TMPRSS15: variants seen among roughly 807,000 people sequenced by gnomAD.
TMPRSS15 encodes the protein enteropeptidase.
TMPRSS15 carries 128 observed loss-of-function variants against 125.3 expected under a neutral mutation model. The ratio of observed to expected loss-of-function variants is 1.02; its 90% CI spans 0.89 to 1.18. TMPRSS15 has a LOEUF of 1.18. Among genes scored for constraint, TMPRSS15 ranks in the 50% most tolerant of loss-of-function variants. The pLI, the probability that TMPRSS15 is intolerant of heterozygous loss-of-function variation, is 0.00. For missense variants in TMPRSS15, 1,283 were observed against 1,212.7 expected (o/e 1.06, Z -0.86); for synonymous variants, 446 against 423.2 (o/e 1.05, Z -0.66).
intron 3 of TMPRSS15, among the ~76,000 whole-genome samples, chr21:18,397,027 G>T (rs2076047783): frequency 6.6e-6 from 1 of 151,754 alleles, no homozygotes; most frequent in Non-Finnish European, 1.5e-5. Context: ...AGCTACCCCA[G>T]GTCTTGATCA....
Position 18,452,269 on chromosome 21 carries a change from A to G in TMPRSS15, c.10+33530T>C, listed in dbSNP as rs554583036. The stretch of plus-strand genomic sequence containing the variant: ...AGCATGGTTTGTTAAAATTAGCACC[A>G]CAAAGGTTTAAGGAATAAAAACAAC... On this transcript the variant is annotated intron_variant, in intron 1 of 7. Coordinates refer to the TMPRSS15 transcript ENST00000422787. Among the ~76,000 whole-genome samples, 246 of 152,314 alleles carry G rather than the reference A, an allele frequency of 1.6e-3. 2 individuals carry two copies. The highest frequency in any genetic ancestry group is 5.7e-3 in the African/African-American group (239 of 41,580).
chr21:18,350,422 A>G (rs1447330550), intron 10 of TMPRSS15, among the ~76,000 whole-genome samples: 1 of 152,030 alleles, frequency 6.6e-6, no homozygotes, highest in Non-Finnish European at 1.5e-5. Context: ...ACCTTTTCTC[A>G]CCACATCTGC....
chr21:18,396,987 T>C (rs2076047444), intron 3 of TMPRSS15, among the ~76,000 whole-genome samples: 1 of 152,118 alleles, frequency 6.6e-6, no homozygotes, highest in Non-Finnish European at 1.5e-5. Context: ...ATGTGAATTA[T>C]TGTGAAGGCT....
intron 3 of TMPRSS15, among the ~76,000 whole-genome samples, chr21:18,386,576 C>G (rs1371097629): frequency 6.6e-6 from 1 of 152,164 alleles, no homozygotes; most frequent in Non-Finnish European, 1.5e-5. Context: ...TCCTCCTCCT[C>G]TTCTTCCTTC....
chr21:18,384,260 G>A (rs2075921616), intron 3 of TMPRSS15, among the ~76,000 whole-genome samples: 1 of 152,072 alleles, frequency 6.6e-6, no homozygotes, highest in East Asian at 1.9e-4. Flanking sequence ...CAAGCTTATG[G>A]CAACTAATCT....
chr21:18,444,733 G>T (rs1601465096), intron 1 of TMPRSS15, among the ~76,000 whole-genome samples: 1 of 152,000 alleles, frequency 6.6e-6, no homozygotes, highest in South Asian at 2.1e-4. Context: ...TAGTTATTTT[G>T]AAATACTATA....
chr21:18,467,950 A>G (rs1978700164), intron 1 of TMPRSS15, among the ~76,000 whole-genome samples: 1 of 152,100 alleles, frequency 6.6e-6, no homozygotes, highest in Non-Finnish European at 1.5e-5. Flanking sequence ...AACAGAAGAG[A>G]AAAAGAAAGA....
chr21:18,372,331 A>T lies in TMPRSS15; in HGVS notation c.533-7T>A. 6.2e-7 allele frequency: 1 copy of T among 1,611,614 alleles called. No homozygotes were observed. Among genetic ancestry groups the T allele is most frequent in the Non-Finnish European group, 8.5e-7 (1 of 1,178,242 alleles). On this transcript the variant is annotated splice_polypyrimidine_tract_variant and splice_region_variant and intron_variant, in intron 5 of 24. Transcript: ENST00000284885. ...CACTCTATTGAGACATTTCCTTTAAAAAATAACTGAAATTAATTTCCAATT... is the reference window on the plus strand; with the variant it reads ...CACTCTATTGAGACATTTCCTTTAATAAATAACTGAAATTAATTTCCAATT...
chr21:18,422,576 C>T (rs1023158864), intron 1 of TMPRSS15, among the ~76,000 whole-genome samples: 1 of 152,122 alleles, frequency 6.6e-6, no homozygotes, highest in Non-Finnish European at 1.5e-5. Flanking sequence ...GTTATTCTCA[C>T]GATAACCCTA....
chr21:18,441,751 C>T (rs1601464186), intron 1 of TMPRSS15, among the ~76,000 whole-genome samples: 1 of 150,508 alleles, frequency 6.6e-6, no homozygotes, highest in Admixed American at 6.6e-5. Context: ...AGTGCAGTGG[C>T]AGGATCTCGG....
intron 13 of TMPRSS15, among the ~76,000 whole-genome samples, chr21:18,338,292 C>A (rs1053002971): frequency 1.3e-5 from 2 of 151,926 alleles, no homozygotes; most frequent in African/African-American, 4.8e-5. Context: ...GAAAATTTTT[C>A]TTCTTTATTA....
At chr21:18,393,160 T>A (rs1357077894) in intron 3 of TMPRSS15, among the ~76,000 whole-genome samples, 1 of 152,150 alleles carries the variant, frequency 6.6e-6, no homozygotes, top group Non-Finnish European at 1.5e-5. Flanking sequence ...GACAGAGCCA[T>A]GCAGTACACC....
chr21:18,485,502 G>A (rs1979061935), intron 1 of TMPRSS15, among the ~76,000 whole-genome samples: 1 of 151,726 alleles, frequency 6.6e-6, no homozygotes, highest in Non-Finnish European at 1.5e-5. Flanking sequence ...TTCATTTTTT[G>A]CTAAGTAATC....
intron 10 of TMPRSS15, among the ~76,000 whole-genome samples, chr21:18,352,523 G>A (rs1377708271): frequency 6.6e-6 from 1 of 151,984 alleles, no homozygotes; most frequent in Non-Finnish European, 1.5e-5. Context: ...TTATTTCTGT[G>A]CATTAGCAAT....
chr21:18,270,591 G>A (rs2074543542), intron 24 of TMPRSS15, among the ~76,000 whole-genome samples: 1 of 152,072 alleles, frequency 6.6e-6, no homozygotes, highest in African/African-American at 2.4e-5. Flanking sequence ...TAGTTCTCTT[G>A]GGTAGTATTA....
At chr21:18,414,559 A>G (rs375110305) in intron 1 of TMPRSS15, among the ~76,000 whole-genome samples, 2 of 152,164 alleles carry the variant, frequency 1.3e-5, no homozygotes, top group Non-Finnish European at 2.9e-5. Context: ...GTCTGCTTCT[A>G]TGAGTTTGAC....
chr21:18,294,642 A>G lies in TMPRSS15; in HGVS notation c.2272T>C (p.Leu758=), dbSNP rs751827457. ...TGTAACCGAATCAAGGAATCCTGTA[A>G]ACACTGTTGACTGTAATAGAAGAAC... is the stretch of plus-strand genomic sequence containing the variant. ...HLILTPSQQC[L]QDSLIRLQCN... The change falls in exon 20 of 25, where the codon TTA becomes CTA. Residue 758 remains leucine, a synonymous_variant. Coordinates refer to ENST00000284885, the MANE Select transcript of TMPRSS15 (RefSeq NM_002772.3). 9 of 1,610,816 alleles carry G rather than the reference A, an allele frequency of 5.6e-6. No individual in the cohort carries two copies. The highest frequency in any genetic ancestry group is 1.3e-5 in the African/African-American group (1 of 74,876).
At chr21:18,290,096 T>C (rs2074815766) in intron 21 of TMPRSS15, among the ~76,000 whole-genome samples, 2 of 152,214 alleles carry the variant, frequency 1.3e-5, no homozygotes, top group Admixed American at 1.3e-4. Flanking sequence ...CTTCAGCAAA[T>C]ACATCAATAG....
At chr21:18,464,707 C>T (rs891290787) in intron 1 of TMPRSS15, among the ~76,000 whole-genome samples, 2 of 152,022 alleles carry the variant, frequency 1.3e-5, no homozygotes, top group African/African-American at 4.8e-5. Context: ...AAGACTAAAC[C>T]AGGAAGAAGT....
Sources: allele counts gnomAD v4.1 joint callset (sites outside exome capture counted in the v4.1 genomes callset), GRCh38; gene constraint gnomAD v4.1.1; transcripts MANE v1.5; gene names NCBI Gene and HGNC (gene_info 2026-07-23, HGNC 2026-07-21).